FUT8: variants seen among roughly 807,000 people sequenced by gnomAD.
FUT8 encodes the protein fucosyltransferase 8.
A neutral mutation model predicts 71.3 loss-of-function variants in FUT8; 29 were observed. The ratio of observed to expected loss-of-function variants is 0.41; its 90% CI spans 0.30 to 0.55. The LOEUF (loss-of-function observed/expected upper bound fraction) is 0.55, where lower values mean the gene tolerates loss of function less well. Ranked by LOEUF, FUT8 falls within the 20% of genes least tolerant of loss-of-function variation. The pLI is 0.34. For missense variants in FUT8, 544 were observed against 702.1 expected (o/e 0.77, Z 2.55); for synonymous variants, 254 against 239.3 (o/e 1.06, Z -0.57).
chr14:65,701,617 T>C (rs1340966558), intron 7 of FUT8, among the ~76,000 whole-genome samples: 2 of 152,226 alleles, frequency 1.3e-5, no homozygotes, highest in Non-Finnish European at 2.9e-5. Flanking sequence ...ATAAGCTGTC[T>C]TTAGCTATTA....
At chr14:65,624,258 G>A (rs1166165218) in intron 5 of FUT8, among the ~76,000 whole-genome samples, 2 of 149,426 alleles carry the variant, frequency 1.3e-5, no homozygotes, top group African/African-American at 2.5e-5. Context: ...TACCCTAACT[G>A]CATTATCACA....
chr14:65,648,399 C>T (rs1891213074), intron 6 of FUT8, among the ~76,000 whole-genome samples: 2 of 152,042 alleles, frequency 1.3e-5, no homozygotes, highest in South Asian at 4.1e-4. Context: ...CTTTGTCTGC[C>T]TCCTGTTGAG....
chr14:65,562,082 T>C (rs544460532), intron 3 of FUT8, among the ~76,000 whole-genome samples: 78 of 152,202 alleles, frequency 5.1e-4, no homozygotes, highest in South Asian at 1.5e-3. Context: ...GTGTACTTTA[T>C]ATGTGCCCCA....
intron 1 of FUT8, among the ~76,000 whole-genome samples, chr14:65,452,828 T>C (rs2065847010): frequency 6.6e-6 from 1 of 152,220 alleles, no homozygotes; most frequent in Admixed American, 6.5e-5. Context: ...ACTTCCAACG[T>C]TCTAGTTTTT....
At chr14:65,530,170 AT>A (rs1272343946) in intron 2 of FUT8, among the ~76,000 whole-genome samples, 1 of 152,072 alleles carries the variant, frequency 6.6e-6, no homozygotes, top group Non-Finnish European at 1.5e-5. Context: ...GCCTTTCTGT[AT>A]TATGACCTCT....
chr14:65,552,657 T>C (rs1885355728), intron 2 of FUT8, among the ~76,000 whole-genome samples: 1 of 152,212 alleles, frequency 6.6e-6, no homozygotes, highest in African/African-American at 2.4e-5. Context: ...TTATTAATAC[T>C]TCAAATGTGC....
At chr14:65,546,427 A>AT (rs941393645) in intron 2 of FUT8, among the ~76,000 whole-genome samples, 5 of 151,284 alleles carry the variant, frequency 3.3e-5, no homozygotes, top group Admixed American at 2.0e-4. Context: ...TACAGTGTGT[A>AT]TTTTTTTTGT....
intron 2 of FUT8, among the ~76,000 whole-genome samples, chr14:65,463,656 T>G (rs963172970): frequency 6.6e-6 from 1 of 152,160 alleles, no homozygotes; most frequent in Non-Finnish European, 1.5e-5. Flanking sequence ...TTGATGATTG[T>G]TGGGAAGATT....
At chr14:65,656,561 A>G (rs900624564) in intron 6 of FUT8, among the ~76,000 whole-genome samples, 43 of 152,212 alleles carry the variant, frequency 2.8e-4, no homozygotes, top group African/African-American at 1.0e-3. Flanking sequence ...TACTATCCAG[A>G]GTAATCTATA....
chr14:65,557,901 T>A (rs985057497), intron 2 of FUT8, among the ~76,000 whole-genome samples: 4 of 152,214 alleles, frequency 2.6e-5, no homozygotes, highest in Non-Finnish European at 4.4e-5. Flanking sequence ...TACTAATACT[T>A]TCACAAATAA....
chr14:65,487,210 C>G lies in FUT8; in HGVS notation c.-228+31492C>G, dbSNP rs569950864. Among the ~76,000 whole-genome samples, 35 of 152,068 alleles carry G rather than the reference C, an allele frequency of 2.3e-4. 2 individuals are homozygous for G. Among genetic ancestry groups the G allele is most frequent in the Non-Finnish European group, 4.4e-4 (30 of 68,004 alleles). On this transcript the variant is annotated intron_variant, in intron 2 of 10. Coordinates refer to ENST00000673929, the MANE Select transcript of FUT8 (RefSeq NM_001371533.1). ...GAGGAGTAGTTAGTCAAGGATAGCT[C>G]TCAGAGGAGGGGAGAATTGATCATG...
At chr14:65,498,919 A>G (rs959745654) in intron 2 of FUT8, among the ~76,000 whole-genome samples, 1 of 152,226 alleles carries the variant, frequency 6.6e-6, no homozygotes, top group African/African-American at 2.4e-5. Flanking sequence ...AAAAATAATT[A>G]TAGCCTCATG....
chr14:65,396,799 A>T, the FUT8 span, among the ~76,000 whole-genome samples: 1 of 152,198 alleles, frequency 6.6e-6, no homozygotes, highest in African/African-American at 2.4e-5. The surrounding 1 kb of genome is among the most constrained non-coding windows in gnomAD (Gnocchi z 5.5). Flanking sequence ...ATTAATTAAC[A>T]TTAGTGGCTT....
At chr14:65,616,791 A>AT (rs1192010525) in intron 5 of FUT8, among the ~76,000 whole-genome samples, 4 of 152,022 alleles carry the variant, frequency 2.6e-5, no homozygotes, top group Non-Finnish European at 5.9e-5. Context: ...TTAAAATAGC[A>AT]TTTTTTTAAG....
At chr14:65,656,859 C>T (rs564071105) in intron 6 of FUT8, among the ~76,000 whole-genome samples, 40 of 152,124 alleles carry the variant, frequency 2.6e-4, no homozygotes, top group Non-Finnish European at 4.7e-4. Context: ...CTGTTATCTA[C>T]AGTAAACTCA....
intron 9 of FUT8, among the ~76,000 whole-genome samples, chr14:65,726,008 A>G (rs1340019854): frequency 6.6e-6 from 1 of 152,020 alleles, no homozygotes; most frequent in Non-Finnish European, 1.5e-5. Context: ...ACATGCGCGC[A>G]TGCGTGCACA....
At chr14:65,662,283 G>A (rs558139995) in intron 6 of FUT8, among the ~76,000 whole-genome samples, 61 of 152,226 alleles carry the variant, frequency 4.0e-4, no homozygotes, top group Non-Finnish European at 6.8e-4. Flanking sequence ...CTACTTGGGG[G>A]GATGAGGTGG....
chr14:65,439,042 T>G (rs1224609959), intron 1 of FUT8, among the ~76,000 whole-genome samples: 1 of 152,210 alleles, frequency 6.6e-6, no homozygotes, highest in African/African-American at 2.4e-5. Flanking sequence ...TGATACAGAT[T>G]GGTTTGGCTA....
chr14:65,478,613 C>T (rs1218047864), intron 2 of FUT8, among the ~76,000 whole-genome samples: 2 of 152,096 alleles, frequency 1.3e-5, no homozygotes, highest in East Asian at 3.8e-4. Flanking sequence ...TGGGAGGCTA[C>T]TAGGCTGGGT....
Sources: allele counts gnomAD v4.1 joint callset (sites outside exome capture counted in the v4.1 genomes callset), GRCh38; gene constraint gnomAD v4.1.1; non-coding constraint Gnocchi (gnomAD v3.1); transcripts MANE v1.5; gene names NCBI Gene and HGNC (gene_info 2026-07-23, HGNC 2026-07-21).